The following GRIK2 variants were observed in gnomAD, a reference collection of about 807,000 sequenced individuals.
GRIK2 encodes the protein glutamate ionotropic receptor kainate type subunit 2.
GRIK2 carries 32 observed loss-of-function variants against 100.3 expected under a neutral mutation model. The ratio of observed to expected loss-of-function variants is 0.32; its 90% CI spans 0.24 to 0.43. The LOEUF is 0.43. Among genes scored for constraint, GRIK2 ranks in the 20% least tolerant of loss-of-function variants. The pLI is 1.00. For synonymous variants in GRIK2, 417 were observed against 389.4 expected (o/e 1.07, Z -0.83); for missense variants, 843 against 1,114.9 (o/e 0.76, Z 3.47).
intron 7 of GRIK2, among the ~76,000 whole-genome samples, chr6:101,700,575 T>A (rs1346384013): frequency 6.6e-6 from 1 of 152,128 alleles, no homozygotes; most frequent in Non-Finnish European, 1.5e-5. Flanking sequence ...ACTCTAAGTC[T>A]CACAAAAATG....
At chr6:101,488,584 G>A (rs1331916894) in intron 2 of GRIK2, among the ~76,000 whole-genome samples, 2 of 146,316 alleles carry the variant, frequency 1.4e-5, no homozygotes, top group Admixed American at 6.8e-5. Context: ...GTCTTCATTG[G>A]TTTTGCAGGA....
intron 4 of GRIK2, among the ~76,000 whole-genome samples, chr6:101,631,556 C>T (rs1488559683): frequency 1.3e-5 from 2 of 152,122 alleles, no homozygotes; most frequent in East Asian, 3.9e-4. Context: ...TTCTGTGTGT[C>T]CCAAAGGAAA....
chr6:101,616,144 A>C (rs1262097515), intron 2 of GRIK2, among the ~76,000 whole-genome samples: 1 of 151,438 alleles, frequency 6.6e-6, no homozygotes, highest in East Asian at 1.9e-4. Flanking sequence ...TTCTCTTCCT[A>C]TTGGTTCTTT....
intron 2 of GRIK2, among the ~76,000 whole-genome samples, chr6:101,547,253 G>T (rs1776289761): frequency 6.6e-6 from 1 of 152,046 alleles, no homozygotes. Context: ...CGTAATATTT[G>T]AATTATCCTA....
At chr6:101,430,778 C>T (rs1769335703) in intron 2 of GRIK2, 3 of 239,120 alleles carry the variant, frequency 1.3e-5, no homozygotes, top group Admixed American at 1.2e-4. Flanking sequence ...AGCTCCTTTC[C>T]AGGGAGGAAG....
intron 7 of GRIK2, among the ~76,000 whole-genome samples, chr6:101,771,959 G>C (rs1298103990): frequency 2.6e-5 from 4 of 152,028 alleles, no homozygotes; most frequent in African/African-American, 9.7e-5. Flanking sequence ...TTGGTTCCAA[G>C]TCTTTGCTAT....
In GRIK2 at chr6:101,556,321, A is replaced by ATTTTTTTTTTTTTTTTTTTTTTTTT. The variant is rs10528480; in HGVS notation, c.116-65621_116-65597dup. Reference sequence around the variant, plus strand: ...AATTGCACTATGTAATATATTGGTAATTTTTTTTTTTTTTTTTTTTTTTTT... The same window carrying ATTTTTTTTTTTTTTTTTTTTTTTTT: ...AATTGCACTATGTAATATATTGGTAATTTTTTTTTTTTTTTTTTTTTTTTTTTTTTTTTTTTTTTTTTTTTTTTTT... On this transcript the variant is annotated intron_variant, in intron 2 of 16. Coordinates refer to ENST00000369134, the MANE Select transcript of GRIK2 (RefSeq NM_021956.5). Among the ~76,000 whole-genome samples the ATTTTTTTTTTTTTTTTTTTTTTTTT allele has an allele frequency of 1.9e-3, 112 of 59,402 alleles. 33 individuals carry two copies. The highest frequency in any genetic ancestry group is 2.6e-3 in the Non-Finnish European group (71 of 27,412). The allele number at this position is 59,402 out of a possible 152,430, so 39.0% of individuals were successfully genotyped here.
chr6:101,605,755 T>G (rs17829435), intron 2 of GRIK2, among the ~76,000 whole-genome samples: 5,878 of 152,102 alleles, frequency 0.039, 211 homozygotes, highest in East Asian at 0.045. Flanking sequence ...ACTATATACC[T>G]TCAATGATGA....
chr6:101,932,272 G>A, intron 14 of GRIK2, among the ~76,000 whole-genome samples: 1 of 151,936 alleles, frequency 6.6e-6, no homozygotes, highest in East Asian at 1.9e-4. Context: ...TAGTATCAAA[G>A]GAAGAAACAT....
intron 7 of GRIK2, among the ~76,000 whole-genome samples, chr6:101,731,455 G>A (rs2128371375): frequency 6.6e-6 from 1 of 152,074 alleles, no homozygotes; most frequent in South Asian, 2.1e-4. Flanking sequence ...TAGAGTGTAA[G>A]TTTTAGAATA....
At chr6:101,723,503 A>G (rs1327012090) in intron 7 of GRIK2, among the ~76,000 whole-genome samples, 1 of 152,064 alleles carries the variant, frequency 6.6e-6, no homozygotes, top group Non-Finnish European at 1.5e-5. Flanking sequence ...ACATATGTTT[A>G]TCTGAGAAAT....
At chr6:101,791,734 A>C (rs898103816) in intron 7 of GRIK2, among the ~76,000 whole-genome samples, 7 of 152,086 alleles carry the variant, frequency 4.6e-5, no homozygotes, top group African/African-American at 1.7e-4. Context: ...CGCTTGGTGC[A>C]GAGCTGAGTT....
chr6:101,549,191 A>T (rs372987837), intron 2 of GRIK2, among the ~76,000 whole-genome samples: 3 of 151,974 alleles, frequency 2.0e-5, no homozygotes, highest in African/African-American at 7.3e-5. Context: ...ACATTGTGGC[A>T]TGAAAGAGAA....
chr6:102,055,201 C>A, intron 15 of GRIK2, 129 bp from the exon 16 acceptor site: 1 of 604,574 alleles, frequency 1.7e-6, no homozygotes, highest in Non-Finnish European at 2.8e-6. Context: ...AGTTGTTTTT[C>A]TCTTCTGAAA....
chr6:101,414,150 G>T (rs566560503), intron 2 of GRIK2, among the ~76,000 whole-genome samples: 1 of 152,248 alleles, frequency 6.6e-6, no homozygotes, highest in Non-Finnish European at 1.5e-5. Context: ...TAACATGAAG[G>T]GAGGCATCTA....
At chr6:101,891,053 C>A (rs1156550940) in intron 12 of GRIK2, among the ~76,000 whole-genome samples, 1 of 150,332 alleles carries the variant, frequency 6.7e-6, no homozygotes, top group African/African-American at 2.4e-5. Context: ...TTTTCAATTA[C>A]ATTACATGGA....
chr6:101,683,965 G>A (rs912781634), intron 6 of GRIK2, among the ~76,000 whole-genome samples: 3 of 152,090 alleles, frequency 2.0e-5, no homozygotes, highest in Non-Finnish European at 4.4e-5. Context: ...AATTCTTCCA[G>A]TTAGTCTCCT....
intron 10 of GRIK2, among the ~76,000 whole-genome samples, chr6:101,843,098 C>T (rs1479172325): frequency 6.6e-6 from 1 of 152,028 alleles, no homozygotes; most frequent in Non-Finnish European, 1.5e-5. Context: ...TTTATTCGAT[C>T]TTTAAGTAGT....
At chr6:102,007,497 G>C (rs1334602731) in intron 14 of GRIK2, among the ~76,000 whole-genome samples, 4 of 152,062 alleles carry the variant, frequency 2.6e-5, no homozygotes, top group Non-Finnish European at 1.5e-5. Context: ...AGCAATAATA[G>C]TTGTATTCTT....
Sources: allele counts gnomAD v4.1 joint callset (sites outside exome capture counted in the v4.1 genomes callset), GRCh38; gene constraint gnomAD v4.1.1; transcripts MANE v1.5; gene names NCBI Gene and HGNC (gene_info 2026-07-23, HGNC 2026-07-21).